The following ASPH variants were observed in gnomAD, a reference collection of about 807,000 sequenced individuals.
ASPH encodes the protein aspartyl/asparaginyl beta-hydroxylase.
ASPH carries 100 observed loss-of-function variants against 118.4 expected under a neutral mutation model. That is an observed-to-expected ratio of 0.84 (90% CI 0.72 to 1.00). ASPH has a LOEUF of 1.00. ASPH is among the 50% of genes least tolerant of loss of function. The probability of loss-of-function intolerance (pLI) is 0.00; values close to 1 mark genes in which losing one functional copy is unlikely to be tolerated. For synonymous variants in ASPH, 315 were observed against 325.6 expected, an observed-to-expected ratio of 0.97 and a Z score of 0.35; for missense variants, 920 against 919.5, an observed-to-expected ratio of 1.00 and a Z score of -0.01.
intron 1 of ASPH, among the ~76,000 whole-genome samples, chr8:61,688,993 A>T (rs1217695874): frequency 6.6e-6 from 1 of 152,244 alleles, no homozygotes; most frequent in African/African-American, 2.4e-5. Context: ...GAGAGTTAGA[A>T]GCAGTTTTCA....
intron 3 of ASPH, chr8:61,662,681 A>AGGGGAAAAGAAGAGAGAT (rs1321014518): frequency 8.4e-6 from 2 of 238,922 alleles, no homozygotes; most frequent in African/African-American, 4.7e-5. Context: ...AGAAAAGAGA[A>AGGGGAAAAGAAGAGAGAT]GGGGAAAAGA....
At chr8:61,593,528 A>G (rs1412661174) in intron 14 of ASPH, among the ~76,000 whole-genome samples, 1 of 152,240 alleles carries the variant, frequency 6.6e-6, no homozygotes, top group Non-Finnish European at 1.5e-5. Flanking sequence ...AACCCAGTAA[A>G]TAGTATATAA....
At chr8:61,653,846 A>G (rs1325920758) in intron 3 of ASPH, among the ~76,000 whole-genome samples, 186 bp from the exon 4 acceptor site, 3 of 152,348 alleles carry the variant, frequency 2.0e-5, no homozygotes, top group African/African-American at 4.8e-5. Context: ...AGCCTTGAAT[A>G]TATCTCTTTG....
chr8:61,713,654 AGTG>A (rs1482439274), intron 1 of ASPH, among the ~76,000 whole-genome samples: 1 of 152,264 alleles, frequency 6.6e-6, no homozygotes, highest in African/African-American at 2.4e-5. Context: ...TTTAAGTAAA[AGTG>A]GTAAAAATAC....
Position 61,633,713 on chromosome 8 carries a change from G to GA in ASPH, c.903dup (p.Pro302SerfsTer14). On this transcript the variant is annotated frameshift_variant, in exon 13 of 25. Transcript: ENST00000379454. LOFTEE classifies it high-confidence loss of function. Reference sequence around the variant, plus strand: ...GGTACTTCCTGCTGTTCTTCCACAGGAAAAATGCTTACTTCTAAAATAAAT... The same window carrying GA: ...GGTACTTCCTGCTGTTCTTCCACAGGAAAAAATGCTTACTTCTAAAATAAAT... 6.3e-7 allele frequency: 1 copy of GA among 1,596,468 alleles called. No individual in the cohort carries two copies. Among genetic ancestry groups the GA allele is most frequent in the Admixed American group, 1.7e-5 (1 of 58,140 alleles).
Position 61,643,932 on chromosome 8 carries a change from A to G in ASPH, c.709+13T>C, listed in dbSNP as rs760812436. 5.0e-6 allele frequency: 8 copies of G among 1,604,910 alleles called. No homozygotes were observed. Among genetic ancestry groups the G allele is most frequent in the Non-Finnish European group, 6.8e-6 (8 of 1,172,562 alleles). ...TCAGAAAACACATATCAATAATTTTAACATTTACAAACCTGGATTTTCCTG... is the reference window on the plus strand; with the variant it reads ...TCAGAAAACACATATCAATAATTTTGACATTTACAAACCTGGATTTTCCTG... On this transcript the variant is annotated intron_variant, in intron 8 of 24. Transcript: ENST00000379454.
intron 13 of ASPH, among the ~76,000 whole-genome samples, chr8:61,626,465 T>G (rs931323013): frequency 6.6e-6 from 1 of 152,146 alleles, no homozygotes; most frequent in Non-Finnish European, 1.5e-5. Context: ...GGGGATGGCT[T>G]GCAAAGCTGC....
rs377228895 is a variant in ASPH at position 61,508,101 on chromosome 8, G to A, written c.2127-4592C>T. 6.6e-4 allele frequency among the ~76,000 whole-genome samples: 100 copies of A among 152,092 alleles called. 1 individual carries two copies. In the Middle Eastern group the frequency reaches 0.027, roughly 41 times the overall value. The stretch of plus-strand genomic sequence containing the variant: ...ACCATCACAGCTCAATGCAGCCTCC[G>A]CCTCCCAGGCTCAGGTGATCCTCCC... On this transcript the variant is annotated intron_variant, in intron 24 of 24. Transcript: ENST00000379454.
chr8:61,625,540 A>G (rs1852448137), intron 13 of ASPH: 5 of 985,256 alleles, frequency 5.1e-6, no homozygotes, highest in African/African-American at 1.7e-5. Flanking sequence ...GCATGATAAT[A>G]GTAGGGCCAT....
At chr8:61,675,144 C>T (rs113476971) in intron 3 of ASPH, 7,371 of 280,066 alleles carry the variant, frequency 0.026, 122 homozygotes, top group South Asian at 0.042. Context: ...AAGTTTACTG[C>T]CCTAAATGGA....
chr8:61,503,512 G>A lies in ASPH; in HGVS notation c.2127-3C>T. 1.2e-6 allele frequency: 2 copies of A among 1,609,490 alleles called. No individual in the cohort carries two copies. Among genetic ancestry groups the A allele is most frequent in the Non-Finnish European group, 1.7e-6 (2 of 1,177,536 alleles). ...GCACCTTGCCTTCCTCCCAGGTCCT[G>A]CAGCAGAAAGACAAGGATTCCTGAA... On this transcript the variant is annotated splice_region_variant and splice_polypyrimidine_tract_variant and intron_variant, in intron 24 of 24. Transcript: ENST00000379454.
chr8:61,524,605 A>C (rs1199522639), intron 22 of ASPH, among the ~76,000 whole-genome samples: 1 of 152,246 alleles, frequency 6.6e-6, no homozygotes, highest in African/African-American at 2.4e-5. Context: ...TAAGTAGTTC[A>C]TGGAAAATCA....
At chr8:61,513,476 C>A (rs1327905948) in intron 24 of ASPH, among the ~76,000 whole-genome samples, 1 of 152,106 alleles carries the variant, frequency 6.6e-6, no homozygotes, top group Non-Finnish European at 1.5e-5. Flanking sequence ...GAATGTAACA[C>A]AACATAAAGC....
At chr8:61,675,390 A>G (rs1373654469) in intron 3 of ASPH, 1 of 978,852 alleles carries the variant, frequency 1.0e-6, no homozygotes, top group Non-Finnish European at 1.2e-6. Context: ...AAAATTTAAA[A>G]TAAATTTTGC....
rs1805242905 is a variant in ASPH, at chr8:61,503,297, A to C, written c.*62T>G. 2 of 1,539,852 alleles carry C rather than the reference A, an allele frequency of 1.3e-6. No homozygotes were observed. Among genetic ancestry groups the C allele is most frequent in the South Asian group, 1.2e-5 (1 of 80,662 alleles). On this transcript the variant is annotated 3_prime_UTR_variant, in exon 25 of 25. Transcript: ENST00000379454. The stretch of plus-strand genomic sequence containing the variant: ...TGTTCGAAATTCTATCCTCACACCC[A>C]AGGAGATGGAACCAGAAAGGCAGCC...
chr8:61,525,843 A>G, intron 22 of ASPH, 134 bp downstream of exon 22: 1 of 1,263,842 alleles, frequency 7.9e-7, no homozygotes, highest in South Asian at 1.5e-5. Flanking sequence ...GATTTCAAAA[A>G]TCTAGGTTTT....
intron 3 of ASPH, among the ~76,000 whole-genome samples, chr8:61,669,280 T>G (rs1588967806): frequency 6.6e-6 from 1 of 152,244 alleles, no homozygotes; most frequent in Non-Finnish European, 1.5e-5. Context: ...CCTTTCACTA[T>G]TGATAGCAAT....
In ASPH at chr8:61,502,152, TA is replaced by T. The variant is rs1184927585; in HGVS notation, c.*1206del. ...TCTATGTTGTGGGTAATGTTAAAAC[TA>T]AATACAGATGATAATAATTGCTATT... On this transcript the variant is annotated 3_prime_UTR_variant, in exon 25 of 25. Coordinates refer to ENST00000379454, the MANE Select transcript of ASPH (RefSeq NM_004318.4). 3 of 152,218 alleles carry T rather than the reference TA, an allele frequency of 2.0e-5. No homozygotes were observed. Among genetic ancestry groups the T allele is most frequent in the African/African-American group, 7.2e-5 (3 of 41,454 alleles). 9.4% of individuals were successfully genotyped at this position (152,218 alleles called of 1,614,324 possible). A position where few individuals can be genotyped will look rare whatever the true frequency, so the allele number is the denominator to read the frequency against.
In ASPH at chr8:61,500,956, C is replaced by G. The variant is rs1056539592; in HGVS notation, c.*2403G>C. On this transcript the variant is annotated 3_prime_UTR_variant, in exon 25 of 25. Transcript: ENST00000379454. Reference sequence around the variant, plus strand: ...ATTATTTATTACATCATCTCTTTCTCAATGGATCTAATGTTTTAATTTTTT... The same window carrying G: ...ATTATTTATTACATCATCTCTTTCTGAATGGATCTAATGTTTTAATTTTTT... The G allele has an allele frequency of 6.6e-6, 1 of 152,074 alleles. No homozygotes were observed. Among genetic ancestry groups the G allele is most frequent in the Non-Finnish European group, 1.5e-5 (1 of 68,008 alleles). The allele number at this position is 152,074 out of a possible 1,614,324, so 9.4% of individuals were successfully genotyped here.
Sources: gnomAD v4.1 joint callset for allele counts (sites outside exome capture counted in the v4.1 genomes callset) on GRCh38, gnomAD v4.1.1 for gene constraint, MANE v1.5 for transcripts, NCBI Gene and HGNC (gene_info 2026-07-23, HGNC 2026-07-21) for gene names.